CPAMD8: variants seen among roughly 807,000 people sequenced by gnomAD.
The protein encoded by CPAMD8 is C3 and PZP like alpha-2-macroglobulin domain containing 8, also known as C3 and PZP-like alpha-2-macroglobulin domain-containing protein 8.
In CPAMD8, 146 loss-of-function variants were observed where a neutral mutation model predicts 224.7. That is an observed-to-expected ratio of 0.65 (90% CI 0.57 to 0.75). The LOEUF (loss-of-function observed/expected upper bound fraction) is 0.75, where lower values mean the gene tolerates loss of function less well. Ranked by LOEUF, CPAMD8 falls within the 30% of genes least tolerant of loss-of-function variation. The pLI is 0.00. For missense variants in CPAMD8, 2,301 were observed against 2,537.5 expected, an observed-to-expected ratio of 0.91 and a Z score of 2.00; for synonymous variants, 966 against 1,044.6, an observed-to-expected ratio of 0.92 and a Z score of 1.45.
chr19:17,004,125 CA>C (rs1329676444), intron 8 of CPAMD8, 147 bp downstream of exon 8: 14 of 512,710 alleles, frequency 2.7e-5, no homozygotes, highest in South Asian at 4.2e-5. Context: ...AGGCTGGTCT[CA>C]AACTCCTGAC....
intron 7 of CPAMD8, among the ~76,000 whole-genome samples, chr19:17,006,627 C>G (rs73499165): frequency 0.031 from 4,744 of 152,270 alleles, 229 homozygotes; most frequent in African/African-American, 0.11. Context: ...ACATCTCTCT[C>G]CTGTCCCCCA....
In CPAMD8 at chr19:16,906,903, A is replaced by C. The variant is rs181466434; in HGVS notation, c.4027+49T>G. 3.9e-6 allele frequency: 6 copies of C among 1,525,136 alleles called. No individual in the cohort carries two copies. The Middle Eastern group carries it at 8.4e-4, about 215-fold the overall frequency. 94.5% of individuals were successfully genotyped at this position (1,525,136 alleles called of 1,614,324 possible). ...TCATGAGTTGTTTACCAGACTCCAC[A>C]GTGGGCTTCCCGACGCTGTGGCCTC... On this transcript the variant is annotated intron_variant, in intron 30 of 41. Transcript: ENST00000443236.
At chr19:17,024,909 TC>T (rs1381946291) in intron 1 of CPAMD8, among the ~76,000 whole-genome samples, 1 of 152,222 alleles carries the variant, frequency 6.6e-6, no homozygotes, top group Admixed American at 6.5e-5. Context: ...GAAGTGGGCA[TC>T]CAGAGCTATT....
intron 13 of CPAMD8, among the ~76,000 whole-genome samples, chr19:16,989,040 CG>C (rs1160349402): frequency 2.0e-5 from 3 of 152,118 alleles, no homozygotes; most frequent in African/African-American, 4.8e-5. Flanking sequence ...CACCCCCAGA[CG>C]GGACTGTCTA....
intron 26 of CPAMD8, among the ~76,000 whole-genome samples, chr19:16,922,790 G>A (rs963480196): frequency 6.6e-6 from 1 of 151,530 alleles, no homozygotes; most frequent in African/African-American, 2.4e-5. Flanking sequence ...TACCACATTG[G>A]GGGTCCCTGA....
At position 16,975,138 on chromosome 19, in the gene CPAMD8, A is replaced by G. The variant is rs2122692617; in HGVS notation, c.2029T>C (p.Trp677Arg). 1.2e-6 allele frequency: 2 copies of G among 1,613,140 alleles called. No homozygotes were observed. The highest frequency in any genetic ancestry group is 4.5e-5 in the East Asian group (2 of 44,868). Reference sequence around the variant, plus strand: ...GAGTCCTTGGTGATGCCCCAAGGCCACGGGAAGACAGAGGAGCGCCGGCGT... The same window carrying G: ...GAGTCCTTGGTGATGCCCCAAGGCCGCGGGAAGACAGAGGAGCGCCGGCGT... ...QRRRRSSVFP[W>R]PWGITKDSGF... The change falls in exon 17 of 42, where the codon TGG becomes CGG. Residue 677 changes from tryptophan to arginine, a missense_variant. Physicochemically the swap from Trp to Arg is moderately radical, Grantham distance 101. Transcript: ENST00000443236.
rs572003829 is a variant in CPAMD8 at position 16,993,403 on chromosome 19, G to A, written c.1266+13C>T. 1.3e-5 allele frequency: 21 copies of A among 1,608,644 alleles called. No individual in the cohort carries two copies. In the East Asian group the frequency reaches 1.3e-4, roughly 10 times the overall value. On this transcript the variant is annotated intron_variant, in intron 12 of 41. Transcript: ENST00000443236. ...TGCTGGCTGAATAACAAGGGTCCACGGGACTCACCCACCTCCAGCCACACG... is the reference window on the plus strand; with the variant it reads ...TGCTGGCTGAATAACAAGGGTCCACAGGACTCACCCACCTCCAGCCACACG...
At chr19:16,945,449 C>T in intron 22 of CPAMD8, 100 bp downstream of exon 22, 2 of 1,488,180 alleles carry the variant, frequency 1.3e-6, no homozygotes, top group South Asian at 2.6e-5. Flanking sequence ...GCTGCCCAGG[C>T]CCTGGCTCAG....
intron 22 of CPAMD8, among the ~76,000 whole-genome samples, chr19:16,941,063 TGG>T (rs1273174532): frequency 2.0e-5 from 3 of 152,212 alleles, no homozygotes; most frequent in African/African-American, 4.8e-5. Flanking sequence ...CCCAAGTAGC[TGG>T]GATTACAGGT....
At position 17,008,847 on chromosome 19, in the gene CPAMD8, G is replaced by C. The variant is rs2056569148; in HGVS notation, c.505-288C>G. The C allele has an allele frequency of 1.9e-5, 9 of 485,972 alleles. No homozygotes were observed. In the Admixed American group the frequency reaches 2.6e-4, roughly 14 times the overall value. 30.1% of individuals were successfully genotyped at this position (485,972 alleles called of 1,614,324 possible). On this transcript the variant is annotated intron_variant, in intron 6 of 41. Coordinates refer to ENST00000443236, the MANE Select transcript of CPAMD8 (RefSeq NM_015692.5). ...TCACACCTGTAATCCCAGCAGTTTGGGAGGCCAAGGTGGGCGGATCACCTG... is the reference window on the plus strand; with the variant it reads ...TCACACCTGTAATCCCAGCAGTTTGCGAGGCCAAGGTGGGCGGATCACCTG...
chr19:16,987,515 A>G (rs2055789029), intron 13 of CPAMD8, among the ~76,000 whole-genome samples: 1 of 152,024 alleles, frequency 6.6e-6, no homozygotes, highest in Non-Finnish European at 1.5e-5. Flanking sequence ...CTGCCAGCGT[A>G]AGAAAATCTT....
At position 16,914,791 on chromosome 19, in the gene CPAMD8, A is replaced by C. The variant is rs556580109; in HGVS notation, c.3652T>G (p.Ser1218Ala). The change falls in exon 28 of 42, where the codon TCC (serine) becomes GCC (alanine). Residue 1218 changes from serine to alanine, a missense_variant. Around this residue, in one of 4 missense-constraint regions of CPAMD8, gnomAD observed 1,709 missense variants for 1,753.2 expected, o/e 0.97. Transcript: ENST00000443236. Reference sequence around the variant, plus strand: ...ATAAAGCTGCGAGCCTGTGCGAAGGACTTCAGGACAAAGGCTGTGAGCCTG... The same window carrying C: ...ATAAAGCTGCGAGCCTGTGCGAAGGCCTTCAGGACAAAGGCTGTGAGCCTG... ...SMWLTAFVLK[S>A]FAQARSFIFV... is the part of the protein sequence containing the mutation. 4.3e-6 allele frequency: 7 copies of C among 1,612,490 alleles called. 1 individual carries two copies. In the South Asian group the frequency reaches 7.7e-5, roughly 18 times the overall value.
chr19:16,939,982 G>A (rs890366105), intron 22 of CPAMD8, among the ~76,000 whole-genome samples: 6 of 151,630 alleles, frequency 4.0e-5, no homozygotes, highest in East Asian at 3.9e-4. Flanking sequence ...GCGCGATCTC[G>A]GTTCACTACA....
At position 16,958,107 on chromosome 19, in the gene CPAMD8, T is replaced by C. The variant is rs74260295; in HGVS notation, c.2214-192A>G. ...TGGCAGGGTTAACAGTCTACTTGAT[T>C]AGGACATAACTTGTTTTTTTAAAAA... On this transcript the variant is annotated intron_variant, in intron 18 of 41. Transcript: ENST00000443236. Among the ~76,000 whole-genome samples, 396 of 152,328 alleles carry C rather than the reference T, an allele frequency of 2.6e-3. 9 individuals are homozygous for C. In the East Asian group the frequency reaches 0.06, roughly 23 times the overall value.
chr19:16,901,679 TG>T (rs1293644655), intron 35 of CPAMD8, among the ~76,000 whole-genome samples: 2 of 152,176 alleles, frequency 1.3e-5, no homozygotes, highest in Non-Finnish European at 2.9e-5. Flanking sequence ...CAGGAGACTC[TG>T]GGAAATCAAC....
intron 32 of CPAMD8, 151 bp from the exon 33 acceptor site, chr19:16,904,008 C>T (rs2052368091): frequency 1.1e-6 from 1 of 926,048 alleles, no homozygotes; most frequent in Admixed American, 2.5e-5. Context: ...CACTGGGGGC[C>T]TCAGGACAGC....
intron 22 of CPAMD8, among the ~76,000 whole-genome samples, chr19:16,942,070 C>A (rs1201826185): frequency 6.6e-6 from 1 of 152,182 alleles, no homozygotes; most frequent in East Asian, 1.9e-4. Flanking sequence ...TTCTCCTTCA[C>A]CTCCTGCCAT....
intron 14 of CPAMD8, 63 bp from the exon 15 acceptor site, chr19:16,977,603 AT>A: frequency 7.6e-7 from 1 of 1,317,596 alleles, no homozygotes; most frequent in Non-Finnish European, 1.0e-6. Context: ...AACCTCAGCC[AT>A]TCAGGCTCTG....
intron 22 of CPAMD8, among the ~76,000 whole-genome samples, chr19:16,944,247 C>T (rs2053998587): frequency 6.6e-6 from 1 of 152,180 alleles, no homozygotes; most frequent in Non-Finnish European, 1.5e-5. Context: ...CATCCTGGTG[C>T]CTCTTGTTTC....
Sources: allele counts gnomAD v4.1 joint callset (sites outside exome capture counted in the v4.1 genomes callset), GRCh38; gene constraint gnomAD v4.1.1; regional missense constraint gnomAD v4.1.1; transcripts MANE v1.5; gene names NCBI Gene and HGNC (gene_info 2026-07-23, HGNC 2026-07-21).